Variants in PRKCA observed in about 807,000 individuals in gnomAD.
The protein encoded by PRKCA is protein kinase C alpha type.
A neutral mutation model predicts 87.0 loss-of-function variants in PRKCA; 27 were observed. The ratio of observed to expected loss-of-function variants is 0.31; its 90% confidence interval spans 0.23 to 0.43. PRKCA has a LOEUF of 0.43. Among genes scored for constraint, PRKCA ranks in the 20% least tolerant of loss-of-function variants. The pLI is 1.00. For missense variants in PRKCA, 518 were observed against 852.3 expected (o/e 0.61, Z 4.88); for synonymous variants, 329 against 311.1 (o/e 1.06, Z -0.61).
intron 2 of PRKCA, among the ~76,000 whole-genome samples, chr17:66,450,181 G>A (rs528987095): frequency 1.3e-5 from 2 of 152,150 alleles, no homozygotes; most frequent in East Asian, 3.9e-4. Flanking sequence ...ATCATGCTGG[G>A]ACCTCAAAGA....
chr17:66,343,802 G>T (rs542406747), intron 2 of PRKCA, among the ~76,000 whole-genome samples: 2 of 152,234 alleles, frequency 1.3e-5, no homozygotes, highest in South Asian at 2.1e-4. Flanking sequence ...CTGAGATAAG[G>T]CATGATGGAA....
In PRKCA at chr17:66,341,001, C is replaced by A. The variant is rs532228123; in HGVS notation, c.205+34874C>A. Among the ~76,000 whole-genome samples, 192 of 152,202 alleles carry A rather than the reference C, an allele frequency of 1.3e-3. 2 individuals carry two copies. The highest frequency in any genetic ancestry group is 3.8e-3 in the African/African-American group (159 of 41,542). ...TCCTTATATTATTTATTCCTGCAAG[C>A]ATGACAGATTGATTATTACGGATCT... On this transcript the variant is annotated intron_variant, in intron 2 of 16. Coordinates refer to ENST00000413366, the MANE Select transcript of PRKCA (RefSeq NM_002737.3).
intron 14 of PRKCA, among the ~76,000 whole-genome samples, chr17:66,779,401 T>C (rs1471415010): frequency 6.6e-6 from 1 of 152,016 alleles, no homozygotes; most frequent in Non-Finnish European, 1.5e-5. Flanking sequence ...GAGCACCTTG[T>C]GCCTGCAAGT....
chr17:66,596,465 C>T (rs1969980437), intron 3 of PRKCA, among the ~76,000 whole-genome samples: 1 of 151,774 alleles, frequency 6.6e-6, no homozygotes, highest in Non-Finnish European at 1.5e-5. Context: ...CATCCCCATC[C>T]TTTCTGGAGT....
intron 5 of PRKCA, among the ~76,000 whole-genome samples, chr17:66,662,287 A>G (rs1971927472): frequency 6.6e-6 from 1 of 152,152 alleles, no homozygotes; most frequent in African/African-American, 2.4e-5. Context: ...GTAAGTCCTC[A>G]TGGGATTTGG....
intron 2 of PRKCA, among the ~76,000 whole-genome samples, chr17:66,368,392 T>A (rs1184843637): frequency 2.5e-3 from 266 of 105,068 alleles, no homozygotes; most frequent in African/African-American, 0.01. Flanking sequence ...ATATATTTTT[T>A]TTTTTTTTTT....
chr17:66,642,890 A>C (rs1196321446), intron 4 of PRKCA, among the ~76,000 whole-genome samples: 5 of 152,114 alleles, frequency 3.3e-5, no homozygotes, highest in Admixed American at 2.6e-4. Context: ...TAAAAATGCA[A>C]AATTAGTCTG....
chr17:66,352,312 A>C (rs1409165843), intron 2 of PRKCA, among the ~76,000 whole-genome samples: 2 of 152,070 alleles, frequency 1.3e-5, no homozygotes, highest in Admixed American at 6.6e-5. Flanking sequence ...TGTCTTCCTG[A>C]GGCCTGGAGG....
At chr17:66,404,424 C>T (rs1205668285) in intron 2 of PRKCA, among the ~76,000 whole-genome samples, 9 of 152,198 alleles carry the variant, frequency 5.9e-5, no homozygotes, top group Non-Finnish European at 1.2e-4. Context: ...TGCAGCATTA[C>T]GCTGCCCAAA....
intron 8 of PRKCA, among the ~76,000 whole-genome samples, chr17:66,721,332 C>T (rs1427168898): frequency 6.7e-6 from 1 of 149,048 alleles, no homozygotes; most frequent in East Asian, 2.0e-4. Context: ...GGAGGTGGAG[C>T]TTGCAGTGAG....
intron 2 of PRKCA, among the ~76,000 whole-genome samples, chr17:66,406,826 A>C (rs1396320149): frequency 6.6e-6 from 1 of 151,956 alleles, no homozygotes; most frequent in Non-Finnish European, 1.5e-5. Flanking sequence ...TGAGAGAGGG[A>C]TGTCAGCTTA....
At chr17:66,484,192 C>T (rs534884657) in intron 2 of PRKCA, among the ~76,000 whole-genome samples, 1 of 152,156 alleles carries the variant, frequency 6.6e-6, no homozygotes, top group South Asian at 2.1e-4. Flanking sequence ...GGGGAAAGCA[C>T]TCCCATGATT....
At chr17:66,426,354 G>A (rs1391033281) in intron 2 of PRKCA, among the ~76,000 whole-genome samples, 2 of 152,172 alleles carry the variant, frequency 1.3e-5, no homozygotes, top group African/African-American at 2.4e-5. Flanking sequence ...ACACTAGTGA[G>A]TGACAACTTG....
chr17:66,683,863 G>C (rs1407092107), intron 5 of PRKCA, among the ~76,000 whole-genome samples: 2 of 152,170 alleles, frequency 1.3e-5, no homozygotes, highest in African/African-American at 4.8e-5. Flanking sequence ...GCCTCCCAAA[G>C]TGTTGGGATT....
At chr17:66,458,367 G>A (rs376268298) in intron 2 of PRKCA, among the ~76,000 whole-genome samples, 1 of 152,206 alleles carries the variant, frequency 6.6e-6, no homozygotes, top group Admixed American at 6.5e-5. Flanking sequence ...CAGCCTAGAC[G>A]CTGGAGTTAA....
chr17:66,312,139 GC>G (rs1905115956), intron 2 of PRKCA, among the ~76,000 whole-genome samples: 1 of 152,064 alleles, frequency 6.6e-6, no homozygotes, highest in South Asian at 2.1e-4. Context: ...ATGCCACCAT[GC>G]CCAGCTAATT....
intron 2 of PRKCA, among the ~76,000 whole-genome samples, chr17:66,458,489 T>C (rs1280859779): frequency 6.6e-6 from 1 of 150,838 alleles, no homozygotes; most frequent in Non-Finnish European, 1.5e-5. Flanking sequence ...TATTTTCCTT[T>C]TTTTTTTTGA....
chr17:66,333,871 T>TTG (rs1225684046), intron 2 of PRKCA, among the ~76,000 whole-genome samples: 2 of 152,252 alleles, frequency 1.3e-5, no homozygotes, highest in African/African-American at 4.8e-5. Context: ...AAAAAATGTG[T>TTG]TTCACTGTCC....
At chr17:66,567,673 TA>T (rs1968943509) in intron 3 of PRKCA, among the ~76,000 whole-genome samples, 1 of 152,112 alleles carries the variant, frequency 6.6e-6, no homozygotes, top group African/African-American at 2.4e-5. Context: ...TTCATGGAAA[TA>T]AAAAGCCCTG....
Sources: allele counts gnomAD v4.1 joint callset (sites outside exome capture counted in the v4.1 genomes callset), GRCh38; gene constraint gnomAD v4.1.1; transcripts MANE v1.5; gene names NCBI Gene and HGNC (gene_info 2026-07-23, HGNC 2026-07-21).